CRYL1: variants seen among roughly 807,000 people sequenced by gnomAD.
CRYL1 encodes the protein lambda-crystallin homolog.
Under a neutral mutation model 36.6 loss-of-function variants are expected in CRYL1, and 29 were observed. The observed-to-expected ratio is 0.79, with a 90% confidence interval of 0.59 to 1.08. The LOEUF is 1.08. Ranked by LOEUF, CRYL1 falls within the 50% of genes least tolerant of loss-of-function variation. The pLI is 0.00. For synonymous variants in CRYL1, 152 were observed against 151.5 expected (o/e 1.00, Z -0.02); for missense variants, 411 against 407.9 (o/e 1.01, Z -0.06).
At chr13:20,512,704 A>G (rs1306855617) in intron 1 of CRYL1, among the ~76,000 whole-genome samples, 154 bp from the exon 2 acceptor site, 1 of 152,218 alleles carries the variant, frequency 6.6e-6, no homozygotes, top group East Asian at 1.9e-4. Flanking sequence ...CGGGCACAGA[A>G]AGACAAATAT....
chr13:20,448,537 CAA>C (rs1215228614), intron 3 of CRYL1, among the ~76,000 whole-genome samples: 1 of 151,872 alleles, frequency 6.6e-6, no homozygotes, highest in Non-Finnish European at 1.5e-5. Flanking sequence ...AAACAGAAGA[CAA>C]AGAGAAATAT....
intron 5 of CRYL1, chr13:20,431,854 A>T: frequency 6.9e-7 from 1 of 1,442,576 alleles, no homozygotes; most frequent in South Asian, 1.4e-5. Context: ...GAAGCCTGTC[A>T]TCGTGTCCTG....
chr13:20,447,599 A>C (rs2137413161), intron 3 of CRYL1, among the ~76,000 whole-genome samples: 1 of 152,246 alleles, frequency 6.6e-6, no homozygotes. Context: ...GAGAACATGG[A>C]AAGAGATCCT....
At chr13:20,452,242 T>A (rs201617012) in intron 3 of CRYL1, among the ~76,000 whole-genome samples, 51 of 134,596 alleles carry the variant, frequency 3.8e-4, no homozygotes, top group Admixed American at 4.4e-4. Flanking sequence ...CAGACCGAAT[T>A]AAAAAAAAAA....
At chr13:20,512,367 G>T in intron 2 of CRYL1, 76 bp downstream of exon 2, 1 of 1,024,248 alleles carries the variant, frequency 9.8e-7, no homozygotes, top group Non-Finnish European at 1.5e-6. Context: ...TCATAGCCTT[G>T]AGGATATGAC....
chr13:20,421,062 A>C (rs1193396585), intron 5 of CRYL1, among the ~76,000 whole-genome samples: 2 of 6,724 alleles, frequency 3.0e-4, no homozygotes, highest in Admixed American at 8.8e-3. Flanking sequence ...AGAAACAAAC[A>C]AACAAAAAAA....
intron 3 of CRYL1, among the ~76,000 whole-genome samples, chr13:20,460,650 C>T (rs963882492): frequency 2.0e-5 from 3 of 150,368 alleles, no homozygotes; most frequent in Admixed American, 6.6e-5. Context: ...CTCAGCCTCC[C>T]AAGTAGCCGG....
chr13:20,421,785 CATTT>C (rs10624463), intron 5 of CRYL1, among the ~76,000 whole-genome samples: 73 of 149,594 alleles, frequency 4.9e-4, no homozygotes, highest in South Asian at 1.1e-3. Flanking sequence ...ACAGCATTTT[CATTT>C]ATTTATTTAT....
intron 5 of CRYL1, chr13:20,430,701 A>G: frequency 1.0e-6 from 1 of 985,416 alleles, no homozygotes; most frequent in Non-Finnish European, 1.2e-6. Flanking sequence ...TTCATATTGG[A>G]GAAAGCAAGA....
intron 3 of CRYL1, among the ~76,000 whole-genome samples, chr13:20,444,518 C>T (rs1009336651): frequency 5.9e-5 from 9 of 152,170 alleles, no homozygotes; most frequent in South Asian, 2.1e-4. Context: ...GCACAGGCAT[C>T]GGTTGCTGTC....
At chr13:20,513,926 A>G (rs1184821416) in intron 1 of CRYL1, among the ~76,000 whole-genome samples, 1 of 151,970 alleles carries the variant, frequency 6.6e-6, no homozygotes, top group Admixed American at 6.6e-5. Flanking sequence ...AAAAAAAAAA[A>G]AAACGCATCG....
At chr13:20,511,862 G>A (rs1040729588) in intron 2 of CRYL1, among the ~76,000 whole-genome samples, 7 of 152,062 alleles carry the variant, frequency 4.6e-5, no homozygotes, top group East Asian at 1.9e-4. Flanking sequence ...ACAGCCCTCC[G>A]CATTCTTAGC....
intron 3 of CRYL1, among the ~76,000 whole-genome samples, chr13:20,447,305 G>A (rs2032477522): frequency 6.6e-6 from 1 of 152,188 alleles, no homozygotes; most frequent in Non-Finnish European, 1.5e-5. Context: ...GAAGTGACTA[G>A]AGACAATAGC....
chr13:20,414,255 T>G lies in CRYL1; in HGVS notation c.634-868A>C, dbSNP rs73160835. On this transcript the variant is annotated intron_variant, in intron 5 of 7. Coordinates refer to ENST00000298248, the MANE Select transcript of CRYL1 (RefSeq NM_015974.3). ...TATGTATACACTAAAAAGAGATTTT[T>G]TGTGTGTGTGTGTGTGTGTGTGAAA... 0.066 allele frequency among the ~76,000 whole-genome samples: 9,918 copies of G among 151,236 alleles called. 611 individuals are homozygous for G. Among genetic ancestry groups the G allele is most frequent in the African/African-American group, 0.14 (5,793 of 40,826 alleles).
chr13:20,416,508 C>T (rs558269829), intron 5 of CRYL1, among the ~76,000 whole-genome samples: 19 of 152,296 alleles, frequency 1.2e-4, no homozygotes, highest in Admixed American at 2.6e-4. Context: ...CTCGCACCCC[C>T]GTGGGCTCTG....
intron 6 of CRYL1, 119 bp downstream of exon 6, chr13:20,413,163 C>G: frequency 1.6e-6 from 1 of 633,522 alleles, no homozygotes; most frequent in Non-Finnish European, 2.8e-6. Context: ...CCAGGGCTGG[C>G]CATCATCTCC....
chr13:20,439,522 A>AAAAAG, intron 4 of CRYL1, 71 bp downstream of exon 4: 2 of 937,872 alleles, frequency 2.1e-6, no homozygotes, highest in African/African-American at 1.8e-5. Context: ...CGCAAAAAAA[A>AAAAAG]AAAAAAAAGA....
chr13:20,499,001 T>G (rs1434125116), intron 2 of CRYL1, among the ~76,000 whole-genome samples: 1 of 152,220 alleles, frequency 6.6e-6, no homozygotes, highest in East Asian at 1.9e-4. Flanking sequence ...TTAGGTTCCC[T>G]GAAGTCCAAG....
At chr13:20,434,549 A>C (rs930156620) in intron 4 of CRYL1, among the ~76,000 whole-genome samples, 1 of 150,996 alleles carries the variant, frequency 6.6e-6, no homozygotes, top group Admixed American at 6.6e-5. Context: ...CCAATTAGGG[A>C]AAAAAAGCTG....
Sources: allele counts gnomAD v4.1 joint callset (sites outside exome capture counted in the v4.1 genomes callset), GRCh38; gene constraint gnomAD v4.1.1; transcripts MANE v1.5; gene names NCBI Gene and HGNC (gene_info 2026-07-23, HGNC 2026-07-21).